Variants in DMD observed in about 807,000 individuals in gnomAD.
DMD encodes dystrophin, also known as mutant dystrophin.
In DMD, 63 loss-of-function variants were observed where a neutral mutation model predicts 330.1. The observed-to-expected ratio is 0.19, with a 90% CI of 0.16 to 0.24. The LOEUF (loss-of-function observed/expected upper bound fraction) is 0.24. DMD is among the 10% of genes least tolerant of loss of function. The pLI is 1.00. For synonymous variants in DMD, 1,223 were observed against 959.8 expected (o/e 1.27, Z -5.07); for missense variants, 3,344 against 2,684.1 (o/e 1.25, Z -5.43).
chrX:32,985,340 T>G (rs1296900229), intron 2 of DMD, among the ~76,000 whole-genome samples: 4 of 112,209 alleles, frequency 3.6e-5, no homozygotes, highest in African/African-American at 1.3e-4. Flanking sequence ...TTTCTAAGAT[T>G]TTAGACATAA....
At chrX:32,858,598 G>GA (rs768955636) in intron 2 of DMD, among the ~76,000 whole-genome samples, 1 of 111,671 alleles carries the variant, frequency 9.0e-6, no homozygotes, top group South Asian at 3.7e-4. Flanking sequence ...AAAGTACTGG[G>GA]ATTACAGGCA....
chrX:32,061,496 A>T lies in DMD; in HGVS notation c.6439-92982T>A, dbSNP rs372593256. Among the ~76,000 whole-genome samples, 47 of 111,649 alleles carry T rather than the reference A, an allele frequency of 4.2e-4. 1 individual carries two copies. Among genetic ancestry groups the T allele is most frequent in the East Asian group, 3.4e-3 (12 of 3,525 alleles). ...AATTAAAATGTTATTTTCTTTCTAC[A>T]GTTGTGCTCTGACTACAAGCATATC... On this transcript the variant is annotated intron_variant, in intron 44 of 78. Coordinates refer to ENST00000357033, the MANE Select transcript of DMD (RefSeq NM_004006.3).
intron 2 of DMD, among the ~76,000 whole-genome samples, chrX:32,871,014 C>T (rs1603451251): frequency 1.2e-5 from 1 of 84,169 alleles, no homozygotes; most frequent in Non-Finnish European, 2.3e-5. Flanking sequence ...TCAGAATGAA[C>T]AGGCAAACTA....
intron 43 of DMD, among the ~76,000 whole-genome samples, chrX:32,234,891 G>C (rs1486416996): frequency 9.0e-6 from 1 of 111,570 alleles, no homozygotes; most frequent in African/African-American, 3.3e-5. Context: ...AAAAGATTCA[G>C]AGACATTAAG....
chrX:32,430,621 C>T (rs2098234259), intron 29 of DMD, among the ~76,000 whole-genome samples: 1 of 111,686 alleles, frequency 9.0e-6, no homozygotes, highest in South Asian at 3.7e-4. Flanking sequence ...AATAGACTAA[C>T]TATAGGCAAT....
chrX:31,750,209 A>T (rs1228182798), intron 51 of DMD, among the ~76,000 whole-genome samples: 1 of 109,072 alleles, frequency 9.2e-6, no homozygotes, highest in African/African-American at 3.3e-5. Context: ...TTAGACATGA[A>T]GTCCTTGCCC....
rs2032204891 is a variant in DMD at position 31,120,447 on chromosome X, A to G, written c.*1472T>C. 8.9e-6 allele frequency: 1 copy of G among 112,058 alleles called. No individual in the cohort carries two copies. The highest frequency in any genetic ancestry group is 3.7e-4 in the South Asian group (1 of 2,705). The allele number at this position is 112,058 out of a possible 1,213,427, so 9.2% of individuals were successfully genotyped here. Reference sequence around the variant, plus strand: ...GGCTTCTGGGTTGATACCTGTCAGTATCACAAATGTGATGGGGCTACTGTT... The same window carrying G: ...GGCTTCTGGGTTGATACCTGTCAGTGTCACAAATGTGATGGGGCTACTGTT... On this transcript the variant is annotated 3_prime_UTR_variant, in exon 79 of 79. Coordinates refer to ENST00000357033, the MANE Select transcript of DMD (RefSeq NM_004006.3).
chrX:31,785,755 C>T (rs1025559345), intron 50 of DMD, among the ~76,000 whole-genome samples: 4 of 111,283 alleles, frequency 3.6e-5, no homozygotes, highest in Non-Finnish European at 7.5e-5. Flanking sequence ...CCAGCTTCAT[C>T]CATGTCCTTA....
Position 32,104,286 on chromosome X carries a change from A to G in DMD, c.6438+112630T>C, listed in dbSNP as rs764665766. On this transcript the variant is annotated intron_variant, in intron 44 of 78. Transcript: ENST00000357033. ...TTTGTTGAGCATTTTATCTGCTCTA[A>G]TTATGTCAGGTGCTTTGCTACTTCA... Among the ~76,000 whole-genome samples, 8 of 112,086 alleles carry G rather than the reference A, an allele frequency of 7.1e-5. No homozygotes were observed. The South Asian group carries it at 1.1e-3, about 16-fold the overall frequency.
chrX:32,765,479 T>C (rs753399404), intron 7 of DMD, among the ~76,000 whole-genome samples: 5 of 111,511 alleles, frequency 4.5e-5, no homozygotes, highest in Admixed American at 2.9e-4. Flanking sequence ...TCATGCTTCC[T>C]GTACAGCCTA....
intron 7 of DMD, among the ~76,000 whole-genome samples, chrX:32,779,700 T>TTGTGG (rs1223099752): frequency 3.8e-4 from 11 of 29,164 alleles, no homozygotes; most frequent in African/African-American, 1.2e-3. Flanking sequence ...ATACGGCCTG[T>TTGTGG]GGTGGGGTGG....
At chrX:32,646,207 C>A (rs751073043) in intron 9 of DMD, among the ~76,000 whole-genome samples, 5 of 111,481 alleles carry the variant, frequency 4.5e-5, no homozygotes, top group Admixed American at 9.6e-5. Context: ...ACAGGAGAGG[C>A]TTCTTGGGAT....
chrX:32,108,617 G>A (rs2092795474), intron 44 of DMD, among the ~76,000 whole-genome samples: 1 of 111,592 alleles, frequency 9.0e-6, no homozygotes, highest in African/African-American at 3.2e-5. Context: ...ATGGAACCAA[G>A]GAAAACTATA....
intron 7 of DMD, among the ~76,000 whole-genome samples, chrX:32,799,975 T>C (rs773815821): frequency 9.0e-6 from 1 of 111,545 alleles, no homozygotes; most frequent in Admixed American, 9.6e-5. Flanking sequence ...AAATTCTATA[T>C]ATGAAATCCT....
chrX:32,763,275 G>C (rs1053728844), intron 7 of DMD, among the ~76,000 whole-genome samples: 3 of 111,947 alleles, frequency 2.7e-5, no homozygotes, highest in Non-Finnish European at 5.6e-5. Context: ...TCATTTTAAT[G>C]TTATTAAATA....
At chrX:31,380,497 C>G in intron 60 of DMD, among the ~76,000 whole-genome samples, 1 of 111,102 alleles carries the variant, frequency 9.0e-6, no homozygotes, top group Non-Finnish European at 1.9e-5. Flanking sequence ...AACATCCCAT[C>G]CCACAGCACG....
intron 13 of DMD, among the ~76,000 whole-genome samples, chrX:32,583,182 GC>G (rs1337403987): frequency 8.9e-6 from 1 of 111,902 alleles, no homozygotes; most frequent in East Asian, 2.8e-4. Context: ...TTTGTCTGGT[GC>G]ATTTTTTCTT....
chrX:31,530,438 C>G (rs1409476756), intron 55 of DMD, among the ~76,000 whole-genome samples: 1 of 111,451 alleles, frequency 9.0e-6, no homozygotes, highest in Admixed American at 9.5e-5. Context: ...TCTGCCTTGT[C>G]TGCGGCTGTA....
chrX:32,676,546 C>T (rs2061982999), intron 9 of DMD, among the ~76,000 whole-genome samples: 1 of 111,361 alleles, frequency 9.0e-6, no homozygotes, highest in African/African-American at 3.3e-5. Flanking sequence ...GGATCCTTTA[C>T]ACTATGTGTA....
Sources: allele counts gnomAD v4.1 joint callset (sites outside exome capture counted in the v4.1 genomes callset), GRCh38; gene constraint gnomAD v4.1.1; transcripts MANE v1.5; gene names NCBI Gene and HGNC (gene_info 2026-07-23, HGNC 2026-07-21).